Variants in TOX observed in about 807,000 individuals in gnomAD.
TOX encodes the protein thymocyte selection-associated high mobility group box protein TOX.
Under a neutral mutation model 53.7 loss-of-function variants are expected in TOX, and 11 were observed. The ratio of observed to expected loss-of-function variants is 0.20; its 90% CI spans 0.13 to 0.34. TOX has a LOEUF of 0.34. TOX is among the 10% of genes least tolerant of loss of function. The probability of loss-of-function intolerance (pLI) is 1.00; values close to 1 mark genes in which losing one functional copy is unlikely to be tolerated. For missense variants in TOX, 570 were observed against 664.6 expected (o/e 0.86, Z 1.56); for synonymous variants, 225 against 245.3 (o/e 0.92, Z 0.77).
chr8:58,850,372 C>T (rs375656249), intron 4 of TOX, among the ~76,000 whole-genome samples: 3 of 152,180 alleles, frequency 2.0e-5, no homozygotes, highest in East Asian at 3.8e-4. Context: ...TGCCCAGAGC[C>T]TTTACTGGGG....
At chr8:59,015,453 C>A (rs1813989839) in intron 1 of TOX, among the ~76,000 whole-genome samples, 1 of 152,206 alleles carries the variant, frequency 6.6e-6, no homozygotes, top group African/African-American at 2.4e-5. Flanking sequence ...AGAAATCATT[C>A]TTTTGTTATG....
chr8:58,974,374 T>C (rs1813055389), intron 1 of TOX, among the ~76,000 whole-genome samples: 1 of 152,248 alleles, frequency 6.6e-6, no homozygotes, highest in South Asian at 2.1e-4. Flanking sequence ...AACTGTGAGT[T>C]GAGAGATGAG....
rs534792979 is a variant in TOX, at chr8:58,915,174, G to A, written c.411+24128C>T. On this transcript the variant is annotated intron_variant, in intron 3 of 8. Coordinates refer to ENST00000361421, the MANE Select transcript of TOX (RefSeq NM_014729.3). The stretch of plus-strand genomic sequence containing the variant: ...TTGCTTAGGTAAACAAAGCAGCGGG[G>A]AAGCTCCAACTGGGTGGAGCCCACC... Among the ~76,000 whole-genome samples, 30 of 151,846 alleles carry A rather than the reference G, an allele frequency of 2.0e-4. 3 individuals carry two copies. In the South Asian group the frequency reaches 5.8e-3, roughly 29 times the overall value.
chr8:59,040,051 C>T (rs187137927), intron 1 of TOX, among the ~76,000 whole-genome samples: 7 of 152,248 alleles, frequency 4.6e-5, no homozygotes, highest in East Asian at 3.9e-4. Context: ...AAGCATCGGC[C>T]GGGCGCGGCG....
chr8:58,925,406 G>A (rs1001769744), intron 3 of TOX, among the ~76,000 whole-genome samples: 5 of 152,190 alleles, frequency 3.3e-5, no homozygotes, highest in Non-Finnish European at 7.3e-5. Flanking sequence ...GAAGACCACA[G>A]GGAAGGACGG....
chr8:58,867,470 T>C (rs1811122736), intron 3 of TOX, among the ~76,000 whole-genome samples: 2 of 152,178 alleles, frequency 1.3e-5, no homozygotes, highest in Admixed American at 6.5e-5. Context: ...TCAGTCTCCC[T>C]CGAGGGCAGC....
intron 3 of TOX, among the ~76,000 whole-genome samples, chr8:58,913,678 A>C (rs999318517): frequency 5.9e-5 from 9 of 152,150 alleles, no homozygotes; most frequent in African/African-American, 1.9e-4. Context: ...CAGGAGTAGC[A>C]TTATGCCTTG....
At chr8:59,110,500 G>T (rs1297867072) in intron 1 of TOX, among the ~76,000 whole-genome samples, 4 of 152,044 alleles carry the variant, frequency 2.6e-5, no homozygotes, top group Non-Finnish European at 5.9e-5. Flanking sequence ...AGGCCCAGTT[G>T]GCCCATTCGT....
chr8:58,951,902 A>G (rs981982711), intron 2 of TOX, among the ~76,000 whole-genome samples: 2 of 152,318 alleles, frequency 1.3e-5, no homozygotes. Flanking sequence ...TTAATTTCAA[A>G]TCATTAGGGT....
At chr8:59,045,256 T>C (rs566209927) in intron 1 of TOX, among the ~76,000 whole-genome samples, 1 of 152,350 alleles carries the variant, frequency 6.6e-6, no homozygotes, top group African/African-American at 2.4e-5. Context: ...ACGAGCTATA[T>C]TTAGAAGCAA....
chr8:58,820,349 C>T (rs1052810582), intron 6 of TOX, among the ~76,000 whole-genome samples: 1 of 151,584 alleles, frequency 6.6e-6, no homozygotes, highest in Non-Finnish European at 1.5e-5. Flanking sequence ...AAGGTAGAAA[C>T]AAAATCTTAT....
intron 3 of TOX, among the ~76,000 whole-genome samples, chr8:58,883,583 G>C (rs1305133321): frequency 6.6e-6 from 1 of 152,112 alleles, no homozygotes; most frequent in East Asian, 1.9e-4. Context: ...TTGATTAATA[G>C]TGTGACAGCC....
intron 1 of TOX, among the ~76,000 whole-genome samples, chr8:58,966,736 T>C (rs1468143339): frequency 6.6e-6 from 1 of 152,184 alleles, no homozygotes; most frequent in Non-Finnish European, 1.5e-5. Context: ...TGTGGCTCCA[T>C]GGCATGAATC....
chr8:58,939,277 C>T (rs1374465054), intron 3 of TOX, 25 bp downstream of exon 3: 3 of 1,612,686 alleles, frequency 1.9e-6, no homozygotes, highest in African/African-American at 1.3e-5. Flanking sequence ...CAGCCCCCAC[C>T]ACAAACAGGT....
chr8:58,813,379 T>C (rs1390521519), intron 7 of TOX, among the ~76,000 whole-genome samples: 3 of 152,204 alleles, frequency 2.0e-5, no homozygotes, highest in Admixed American at 2.0e-4. Context: ...TTGGTTTTTT[T>C]CCTTCAGGAA....
At chr8:58,861,393 G>A (rs147667104) in intron 3 of TOX, among the ~76,000 whole-genome samples, 77 of 152,244 alleles carry the variant, frequency 5.1e-4, no homozygotes, top group Non-Finnish European at 9.9e-4. Flanking sequence ...TAGAATCAAC[G>A]AAGCCTTTTA....
rs983689923 is a variant in TOX at position 58,965,912 on chromosome 8, T to G, written c.103-5904A>C. Among the ~76,000 whole-genome samples, 52 of 146,472 alleles carry G rather than the reference T, an allele frequency of 3.6e-4. 1 individual carries two copies. The highest frequency in any genetic ancestry group is 1.2e-3 in the African/African-American group (49 of 39,828). ...AGTCATCGTTTTTTTTTTTTTTTTT[T>G]TTTTTTTTTTTTTGGTAACAGAAGA... On this transcript the variant is annotated intron_variant, in intron 1 of 8. Coordinates refer to ENST00000361421, the MANE Select transcript of TOX (RefSeq NM_014729.3).
At chr8:58,987,437 A>G (rs1198197475) in intron 1 of TOX, among the ~76,000 whole-genome samples, 3 of 152,222 alleles carry the variant, frequency 2.0e-5, no homozygotes, top group Non-Finnish European at 2.9e-5. Flanking sequence ...ATGGAGTAGA[A>G]TTTGCATTCA....
intron 1 of TOX, among the ~76,000 whole-genome samples, chr8:59,033,132 TCTC>T (rs1270538244): frequency 6.6e-6 from 1 of 152,146 alleles, no homozygotes; most frequent in Non-Finnish European, 1.5e-5. Context: ...TTAAGAAGCC[TCTC>T]CTCGTGGCCA....
Sources: allele counts gnomAD v4.1 joint callset (sites outside exome capture counted in the v4.1 genomes callset), GRCh38; gene constraint gnomAD v4.1.1; transcripts MANE v1.5; gene names NCBI Gene and HGNC (gene_info 2026-07-23, HGNC 2026-07-21).